Variants in ATP9B observed in about 807,000 individuals in gnomAD.
ATP9B encodes ATPase phospholipid transporting 9B, also known as probable phospholipid-transporting ATPase IIB.
ATP9B carries 110 observed loss-of-function variants against 146.1 expected under a neutral mutation model. The observed-to-expected ratio is 0.75, with a 90% CI of 0.65 to 0.88. The LOEUF is 0.88. Ranked by LOEUF, ATP9B falls within the 40% of genes least tolerant of loss-of-function variation. ATP9B has a pLI of 0.00. For missense variants in ATP9B, 1,499 were observed against 1,496.4 expected, an observed-to-expected ratio of 1.00 and a Z score of -0.03; for synonymous variants, 604 against 569.7, an observed-to-expected ratio of 1.06 and a Z score of -0.86.
chr18:79,144,315 C>T (rs1377921309), intron 6 of ATP9B: 1 of 152,268 alleles, frequency 6.6e-6, no homozygotes, highest in African/African-American at 2.4e-5. Flanking sequence ...TCAATAAATC[C>T]TCTGTATGCT....
chr18:79,354,015 G>A (rs1292723877), intron 25 of ATP9B: 2 of 152,198 alleles, frequency 1.3e-5, no homozygotes, highest in Non-Finnish European at 2.9e-5. Flanking sequence ...ACAGAATGAT[G>A]TGAAATAGAC....
At chr18:79,190,459 A>T (rs977268184) in intron 8 of ATP9B, among the ~76,000 whole-genome samples, 2 of 151,292 alleles carry the variant, frequency 1.3e-5, no homozygotes, top group Non-Finnish European at 2.9e-5. Flanking sequence ...TGTACTTTTT[A>T]ATATGTAGTA....
At chr18:79,194,693 G>T (rs886607145) in intron 9 of ATP9B, 2 of 152,188 alleles carry the variant, frequency 1.3e-5, no homozygotes, top group African/African-American at 4.8e-5. Context: ...AAATCATACA[G>T]GCTAACTATG....
At chr18:79,114,227 T>C (rs569683317) in intron 4 of ATP9B, among the ~76,000 whole-genome samples, 212 of 152,334 alleles carry the variant, frequency 1.4e-3, no homozygotes, top group African/African-American at 4.9e-3. Flanking sequence ...CCCAAAGTGC[T>C]GGGATTACAG....
At chr18:79,327,946 G>A (rs879153280) in intron 15 of ATP9B, among the ~76,000 whole-genome samples, 27 of 83,958 alleles carry the variant, frequency 3.2e-4, no homozygotes, top group Non-Finnish European at 4.7e-4. Context: ...CGTGCTCTCC[G>A]TGGTTAGCGT....
chr18:79,128,052 C>CTTTTTTTTT (rs1173565651), intron 5 of ATP9B, among the ~76,000 whole-genome samples: 6 of 71,686 alleles, frequency 8.4e-5, no homozygotes, highest in African/African-American at 1.2e-4. Flanking sequence ...CCTTTGCCGA[C>CTTTTTTTTT]TTTTTTTTTT....
At chr18:79,251,295 A>G (rs1568495376) in intron 11 of ATP9B, among the ~76,000 whole-genome samples, 1 of 152,236 alleles carries the variant, frequency 6.6e-6, no homozygotes, top group East Asian at 1.9e-4. Context: ...CCATGGCTTT[A>G]GGGTCCTTGT....
intron 26 of ATP9B, 183 bp downstream of exon 26, chr18:79,359,645 C>A (rs2096975679): frequency 5.2e-6 from 3 of 581,668 alleles, no homozygotes; most frequent in African/African-American, 1.9e-5. Context: ...AGTTAAACTT[C>A]AAAAGGGGAA....
In ATP9B at chr18:79,277,085, G is replaced by A; in HGVS notation, c.1300G>A (p.Val434Met). ...LRVNLDMGKA[V>M]YGWMMMKDEN... ...TGTGAACTTGGACATGGGCAAAGCGGTGTATGGATGGATGATGATGAAAGA... is the reference window on the plus strand; with the variant it reads ...TGTGAACTTGGACATGGGCAAAGCGATGTATGGATGGATGATGATGAAAGA... Residue 434 changes from valine (V) to methionine (M), a missense_variant, in exon 13 of 30, where the codon GTG becomes ATG. Val to Met is a conservative substitution (Grantham distance 21). Transcript: ENST00000426216. 1 of 1,614,198 alleles carries A rather than the reference G, an allele frequency of 6.2e-7. No individual in the cohort carries two copies. The highest frequency in any genetic ancestry group is 1.1e-5 in the South Asian group (1 of 91,088).
intron 1 of ATP9B, among the ~76,000 whole-genome samples, chr18:79,093,665 T>C (rs2074535380): frequency 6.6e-6 from 1 of 152,236 alleles, no homozygotes; most frequent in South Asian, 2.1e-4. Flanking sequence ...ATGACATGCA[T>C]GTTAGACCTT....
intron 10 of ATP9B, among the ~76,000 whole-genome samples, chr18:79,210,603 A>G (rs1306739061): frequency 2.0e-5 from 3 of 152,112 alleles, no homozygotes; most frequent in Non-Finnish European, 4.4e-5. Context: ...GGTCTTCATC[A>G]GTTTTCCTGC....
intron 1 of ATP9B, among the ~76,000 whole-genome samples, chr18:79,071,363 C>CACAT (rs1250617112): frequency 3.9e-5 from 5 of 127,634 alleles, no homozygotes; most frequent in Non-Finnish European, 8.6e-5. Flanking sequence ...TTGCATATAC[C>CACAT]ACATACGCAT....
intron 13 of ATP9B, among the ~76,000 whole-genome samples, chr18:79,287,273 T>C (rs2096454594): frequency 1.3e-5 from 2 of 152,228 alleles, no homozygotes; most frequent in Admixed American, 6.5e-5. Flanking sequence ...TGGTAAGCTA[T>C]TGATTATTGC....
intron 15 of ATP9B, among the ~76,000 whole-genome samples, chr18:79,322,439 C>T (rs1326425900): frequency 6.6e-6 from 1 of 152,216 alleles, no homozygotes; most frequent in Admixed American, 6.5e-5. Context: ...TGGCCGCACC[C>T]TCGGGGCACG....
At chr18:79,198,004 G>T (rs1462176033) in intron 9 of ATP9B, among the ~76,000 whole-genome samples, 1 of 152,118 alleles carries the variant, frequency 6.6e-6, no homozygotes, top group African/African-American at 2.4e-5. Context: ...ATTATTAAAT[G>T]CAACAGCTAC....
At chr18:79,281,897 G>A (rs1273116066) in intron 13 of ATP9B, among the ~76,000 whole-genome samples, 2 of 152,164 alleles carry the variant, frequency 1.3e-5, no homozygotes, top group Non-Finnish European at 2.9e-5. Flanking sequence ...AAATCAAATT[G>A]AACACCTTCT....
chr18:79,166,223 A>G (rs2094962242), intron 7 of ATP9B, among the ~76,000 whole-genome samples: 1 of 152,200 alleles, frequency 6.6e-6, no homozygotes, highest in African/African-American at 2.4e-5. Flanking sequence ...CCACCATTTC[A>G]GAGGGCAGAA....
intron 8 of ATP9B, among the ~76,000 whole-genome samples, chr18:79,187,453 G>C (rs2095318545): frequency 6.6e-6 from 1 of 152,206 alleles, no homozygotes; most frequent in African/African-American, 2.4e-5. Context: ...CTGCTGGCCA[G>C]AATCAGTTAC....
intron 25 of ATP9B, among the ~76,000 whole-genome samples, chr18:79,349,687 T>A (rs529008641): frequency 1.3e-5 from 2 of 152,204 alleles, no homozygotes; most frequent in Non-Finnish European, 2.9e-5. Context: ...TTAAGTCACC[T>A]TTTTCCTGAG....
Sources: gnomAD v4.1 joint callset for allele counts (sites outside exome capture counted in the v4.1 genomes callset) on GRCh38, gnomAD v4.1.1 for gene constraint, MANE v1.5 for transcripts, NCBI Gene and HGNC (gene_info 2026-07-23, HGNC 2026-07-21) for gene names.